The following TRMT44 variants were observed in gnomAD, a reference collection of about 807,000 sequenced individuals.
The protein encoded by TRMT44 is probable tRNA (uracil-O(2)-)-methyltransferase.
TRMT44 carries 78 observed loss-of-function variants against 77.3 expected under a neutral mutation model. That is an observed-to-expected ratio of 1.01 (90% confidence interval 0.84 to 1.22). TRMT44 has a LOEUF of 1.22. TRMT44 is among the 50% of genes most tolerant of loss of function. TRMT44 has a pLI of 0.00. For missense variants in TRMT44, 1,090 were observed against 964.4 expected, an observed-to-expected ratio of 1.13 and a Z score of -1.73; for synonymous variants, 391 against 383.3, an observed-to-expected ratio of 1.02 and a Z score of -0.23.
chr4:8,463,238 CCTCT>C (rs1230053021), intron 6 of TRMT44, among the ~76,000 whole-genome samples: 1 of 152,162 alleles, frequency 6.6e-6, no homozygotes, highest in Non-Finnish European at 1.5e-5. Flanking sequence ...CTCTCTTCCC[CCTCT>C]CTCTTTCCAG....
the TRMT44 span, among the ~76,000 whole-genome samples, chr4:8,514,038 A>G: frequency 6.6e-6 from 1 of 152,156 alleles, no homozygotes; most frequent in African/African-American, 2.4e-5. Context: ...CCCAACTGAA[A>G]CATACACATA....
rs1233038793 is a variant in TRMT44 at position 8,441,414 on chromosome 4, A to G, written c.592A>G (p.Thr198Ala). 3 of 1,521,492 alleles carry G rather than the reference A, an allele frequency of 2.0e-6. No homozygotes were observed. Among genetic ancestry groups the G allele is most frequent in the Admixed American group, 4.0e-5 (2 of 50,460 alleles). 94.2% of individuals were successfully genotyped at this position (1,521,492 alleles called of 1,614,324 possible). Residue 198 changes from threonine to alanine, a missense_variant, in exon 1 of 11, where the codon ACT becomes GCT. Thr to Ala is a moderately conservative substitution (Grantham distance 58). Coordinates refer to ENST00000389737, the MANE Select transcript of TRMT44 (RefSeq NM_152544.3). Reference protein sequence around the residue: ...PKTSPHCPLTTPRREIVVQDV... With the variant: ...PKTSPHCPLTAPRREIVVQDV... The stretch of plus-strand genomic sequence containing the variant: ...AACTAGCCCACATTGCCCCCTTACA[A>G]CTCCCAGGAGGGAAATAGTCGTGCA...
rs1880024 is a variant in TRMT44, at chr4:8,452,912, A to G, written c.1054A>G (p.Arg352Gly). 1,029,923 of 1,529,334 alleles carry G rather than the reference A, an allele frequency of 0.67. 350,785 individuals are homozygous for G. Among genetic ancestry groups the G allele is most frequent in the African/African-American group, 0.86 (62,814 of 72,748 alleles). 94.7% of individuals were successfully genotyped at this position (1,529,334 alleles called of 1,614,324 possible). A position where few individuals can be genotyped will look rare whatever the true frequency, so the allele number is the denominator to read the frequency against. Residue 352 changes from arginine to glycine, a missense_variant, in exon 5 of 11, where the codon AGA becomes GGA. Physicochemically the swap from Arg to Gly is moderately radical, Grantham distance 125. Coordinates refer to ENST00000389737, the MANE Select transcript of TRMT44 (RefSeq NM_152544.3). The surrounding 1 kb of genome is among the most constrained non-coding windows in gnomAD (Gnocchi z 5.7). Reference protein sequence around the residue: ...ILWEEERAERRLTARQSFVDL... With the variant: ...ILWEEERAERGLTARQSFVDL... Reference sequence around the variant, plus strand: ...ATGGGAAGAAGAAAGGGCTGAGAGGAGACTAACTGCCAGGCAGTCCTTTGT... The same window carrying G: ...ATGGGAAGAAGAAAGGGCTGAGAGGGGACTAACTGCCAGGCAGTCCTTTGT...
chr4:8,468,097 C>G lies in TRMT44; in HGVS notation c.1678C>G (p.Leu560Val). ...SAGHCDGQQA[L>V]DARVGCVTRA... ...TGGTCACTGTGACGGTCAGCAAGCT[C>G]TGGACGCCAGGGTCGGGTGTGTAAC... Residue 560 changes from leucine to valine, a missense_variant, in exon 9 of 11, where the codon CTG becomes GTG. Coordinates refer to ENST00000389737, the MANE Select transcript of TRMT44 (RefSeq NM_152544.3). The G allele has an allele frequency of 6.2e-7, 1 of 1,613,946 alleles. No individual in the cohort carries two copies. The highest frequency in any genetic ancestry group is 8.5e-7 in the Non-Finnish European group (1 of 1,180,024).
At chr4:8,483,384 TA>T (rs1375849809) in intron 2 of TRMT44, among the ~76,000 whole-genome samples, 2 of 151,304 alleles carry the variant, frequency 1.3e-5, no homozygotes, top group Non-Finnish European at 2.9e-5. Context: ...GGAATATGAC[TA>T]GACAGAAGAT....
chr4:8,504,468 T>C, the TRMT44 span, among the ~76,000 whole-genome samples: 3 of 152,036 alleles, frequency 2.0e-5, no homozygotes, highest in Non-Finnish European at 2.9e-5. The surrounding 1 kb of genome is among the most constrained non-coding windows in gnomAD (Gnocchi z 5.3). Flanking sequence ...GCCCCACTCA[T>C]TGTGTCCAGA....
At chr4:8,477,914 G>T (rs147410594), downstream of TRMT44, 6 of 152,956 alleles carry the variant, frequency 3.9e-5, no homozygotes, top group Admixed American at 2.0e-4. Context: ...CAGCCCTGCC[G>T]CCGCCTCCTG....
chr4:8,484,267 C>A (rs544904692), intron 2 of TRMT44, among the ~76,000 whole-genome samples: 12 of 152,004 alleles, frequency 7.9e-5, no homozygotes, highest in African/African-American at 2.7e-4. Context: ...GTGTGGTATC[C>A]GGAATAATGT....
At chr4:8,487,410 A>G (rs576777007) in intron 2 of TRMT44, among the ~76,000 whole-genome samples, 1 of 152,106 alleles carries the variant, frequency 6.6e-6, no homozygotes, top group South Asian at 2.1e-4. Flanking sequence ...AAAAGCGGGA[A>G]AGGGGTCGGA....
chr4:8,463,501 C>A (rs1000501701), intron 6 of TRMT44, among the ~76,000 whole-genome samples: 2 of 152,154 alleles, frequency 1.3e-5, no homozygotes, highest in African/African-American at 4.8e-5. Flanking sequence ...TATGTAAATT[C>A]TCTGTCTATT....
intron 3 of TRMT44, among the ~76,000 whole-genome samples, chr4:8,450,731 A>G (rs1026769757): frequency 2.0e-5 from 3 of 148,380 alleles, no homozygotes; most frequent in Admixed American, 6.7e-5. Context: ...GCTACTTACT[A>G]TTCTTCCTAG....
rs930345103 is a variant in TRMT44, at chr4:8,474,145, A to G, written c.2045-1627A>G. Among the ~76,000 whole-genome samples, 16 of 151,264 alleles carry G rather than the reference A, an allele frequency of 1.1e-4. No individual in the cohort carries two copies. The East Asian group carries it at 2.9e-3, about 28-fold the overall frequency. On this transcript the variant is annotated intron_variant, in intron 10 of 10. Coordinates refer to ENST00000389737, the MANE Select transcript of TRMT44 (RefSeq NM_152544.3). ...CAGCCTTTGGCCTCAGTGATCCCCC[A>G]CCCCCCATTCTCTTGACAGGTCAGG...
chr4:8,471,580 A>G (rs892382500), intron 10 of TRMT44, among the ~76,000 whole-genome samples: 2 of 152,212 alleles, frequency 1.3e-5, no homozygotes, highest in African/African-American at 2.4e-5. Flanking sequence ...GCAAACTGAA[A>G]GCATCCTGAG....
chr4:8,499,468 C>T, the TRMT44 span, among the ~76,000 whole-genome samples: 3 of 151,474 alleles, frequency 2.0e-5, no homozygotes, highest in African/African-American at 7.3e-5. Context: ...CCCTCTTCTT[C>T]AACCCTCCAA....
At chr4:8,462,516 C>T (rs1453296485) in intron 6 of TRMT44, among the ~76,000 whole-genome samples, 1 of 152,154 alleles carries the variant, frequency 6.6e-6, no homozygotes, top group Non-Finnish European at 1.5e-5. Flanking sequence ...ACCAGCCTGA[C>T]TAACATGGTG....
chr4:8,513,791 T>TC, the TRMT44 span, among the ~76,000 whole-genome samples: 1 of 152,226 alleles, frequency 6.6e-6, no homozygotes, highest in South Asian at 2.1e-4. Context: ...TGTCTCATCT[T>TC]GATCAGCCAT....
Position 8,446,337 on chromosome 4 carries a change from CT to C in TRMT44, c.620-138del. On this transcript the variant is annotated intron_variant, in intron 1 of 10. Transcript: ENST00000389737. The surrounding 1 kb of genome is among the most constrained non-coding windows in gnomAD (Gnocchi z 4.3). ...AGCAGTGAATGAAAGGCAAAAGTTC[CT>C]CTCCTGGAGTGCCATTGTGAATAGA... 1 of 608,876 alleles carries C rather than the reference CT, an allele frequency of 1.6e-6. No individual in the cohort carries two copies. The highest frequency in any genetic ancestry group is 2.0e-5 in the South Asian group (1 of 50,364). The allele number at this position is 608,876 out of a possible 1,614,324, so 37.7% of individuals were successfully genotyped here.
chr4:8,457,028 C>T (rs995185905), intron 6 of TRMT44, among the ~76,000 whole-genome samples: 5 of 89,954 alleles, frequency 5.6e-5, no homozygotes, highest in African/African-American at 1.5e-4. Context: ...CCCCCCCCCC[C>T]CAACTATCTC....
At chr4:8,466,740 G>A (rs755437586) in intron 8 of TRMT44, among the ~76,000 whole-genome samples, 7 of 152,164 alleles carry the variant, frequency 4.6e-5, no homozygotes, top group Admixed American at 1.3e-4. Context: ...GGTAGAGACC[G>A]TGGACTGTCG....
Sources: allele counts gnomAD v4.1 joint callset (sites outside exome capture counted in the v4.1 genomes callset), GRCh38; gene constraint gnomAD v4.1.1; non-coding constraint Gnocchi (gnomAD v3.1); transcripts MANE v1.5; gene names NCBI Gene and HGNC (gene_info 2026-07-23, HGNC 2026-07-21).